Variants in DOCK1 observed in about 807,000 individuals in gnomAD.
The protein encoded by DOCK1 is dedicator of cytokinesis 1.
In DOCK1, 138 loss-of-function variants were observed where a neutral mutation model predicts 262.7. That is an observed-to-expected ratio of 0.53 (90% CI 0.46 to 0.61). The LOEUF (loss-of-function observed/expected upper bound fraction) is 0.61. Ranked by LOEUF, DOCK1 falls within the 20% of genes least tolerant of loss-of-function variation. The pLI is 0.00. For synonymous variants in DOCK1, 866 were observed against 867.4 expected (o/e 1.00, Z 0.03); for missense variants, 1,908 against 2,370.7 (o/e 0.80, Z 4.05).
At chr10:127,353,263 G>A (rs2063975002) in intron 31 of DOCK1, among the ~76,000 whole-genome samples, 1 of 152,168 alleles carries the variant, frequency 6.6e-6, no homozygotes. Context: ...TCACCCTGCA[G>A]CCAACTGCAT....
intron 18 of DOCK1, among the ~76,000 whole-genome samples, chr10:127,037,491 A>G (rs1027134334): frequency 1.3e-5 from 2 of 152,214 alleles, no homozygotes; most frequent in South Asian, 4.1e-4. Context: ...AAGCTTCTAC[A>G]TGGAAATCAT....
At position 127,255,259 on chromosome 10, in the gene DOCK1, G is replaced by C. The variant is rs539085737; in HGVS notation, c.2950-2076G>C. On this transcript the variant is annotated intron_variant, in intron 28 of 51. Coordinates refer to ENST00000623213, the MANE Select transcript of DOCK1 (RefSeq NM_001290223.2). ...TACTAAAAATAAAAAAACTAGCCAG[G>C]CATGGTGATGCACACCTGTGGTCCC... Among the ~76,000 whole-genome samples, 15 of 152,158 alleles carry C rather than the reference G, an allele frequency of 9.9e-5. No individual in the cohort carries two copies. The South Asian group carries it at 2.7e-3, about 27-fold the overall frequency.
chr10:127,068,779 T>C (rs2046030554), intron 23 of DOCK1, among the ~76,000 whole-genome samples: 1 of 152,170 alleles, frequency 6.6e-6, no homozygotes, highest in Non-Finnish European at 1.5e-5. Flanking sequence ...AACATATGTA[T>C]AGTATAAATT....
In DOCK1 at chr10:127,271,301, C is replaced by T. The variant is rs115871735; in HGVS notation, c.3044+13872C>T. ...AATGCCGTTTAAAAAATAAAATTAT[C>T]TTCAAAACCAAACATGCAATTCCAC... On this transcript the variant is annotated intron_variant, in intron 29 of 51. Coordinates refer to ENST00000623213, the MANE Select transcript of DOCK1 (RefSeq NM_001290223.2). Among the ~76,000 whole-genome samples, 1,321 of 152,242 alleles carry T rather than the reference C, an allele frequency of 8.7e-3. 19 individuals are homozygous for T. The highest frequency in any genetic ancestry group is 0.03 in the African/African-American group (1,250 of 41,532).
chr10:127,186,504 A>ACC lies in DOCK1; in HGVS notation c.2847+58741_2847+58742dup, dbSNP rs1216809857. Among the ~76,000 whole-genome samples, 70 of 9,010 alleles carry ACC rather than the reference A, an allele frequency of 7.8e-3. 3 individuals carry two copies. Among genetic ancestry groups the ACC allele is most frequent in the Middle Eastern group, 0.059 (2 of 34 alleles). The allele number at this position is 9,010 out of a possible 152,430, so 5.9% of individuals were successfully genotyped here. A position where few individuals can be genotyped will look rare whatever the true frequency, so the allele number is the denominator to read the frequency against. The stretch of plus-strand genomic sequence containing the variant: ...CAATCATGATAACAGCATGGGAGAA[A>ACC]CCGCCCCCCCGCCCCCCCCCGATCC... On this transcript the variant is annotated intron_variant, in intron 27 of 51. Coordinates refer to ENST00000623213, the MANE Select transcript of DOCK1 (RefSeq NM_001290223.2).
chr10:127,387,812 G>T (rs2066215413), intron 38 of DOCK1, among the ~76,000 whole-genome samples: 1 of 151,800 alleles, frequency 6.6e-6, no homozygotes, highest in South Asian at 2.1e-4. Flanking sequence ...GCTCATGTAT[G>T]GCAGGACAGG....
intron 7 of DOCK1, 51 bp downstream of exon 7, chr10:126,996,934 T>C (rs2040240674): frequency 6.6e-7 from 1 of 1,508,726 alleles, no homozygotes; most frequent in Admixed American, 2.4e-5. Flanking sequence ...TAATAAGTTT[T>C]CAACATTAGT....
chr10:127,009,933 C>A (rs992616695), intron 11 of DOCK1, among the ~76,000 whole-genome samples: 1 of 152,264 alleles, frequency 6.6e-6, no homozygotes, highest in South Asian at 2.1e-4. Flanking sequence ...GCTTTCTTTG[C>A]AGGCGGGCGA....
chr10:127,443,984 G>T, intron 49 of DOCK1, 142 bp from the exon 50 acceptor site: 1 of 1,134,514 alleles, frequency 8.8e-7, no homozygotes. Flanking sequence ...ACCTTAGCTT[G>T]ATCATTTGCA....
chr10:127,391,210 A>C (rs943212), intron 38 of DOCK1, among the ~76,000 whole-genome samples: 74,178 of 152,162 alleles, frequency 0.49, 18,531 homozygotes, highest in African/African-American at 0.58. Context: ...ACAAGCACCA[A>C]GATATGATGT....
At chr10:127,334,761 C>T (rs765768170) in intron 29 of DOCK1, among the ~76,000 whole-genome samples, 12 of 152,200 alleles carry the variant, frequency 7.9e-5, no homozygotes, top group Non-Finnish European at 1.3e-4. Context: ...ATTTAATTCT[C>T]ACAGCATTTG....
intron 51 of DOCK1, among the ~76,000 whole-genome samples, chr10:127,448,128 C>G (rs1185688456): frequency 6.6e-6 from 1 of 152,136 alleles, no homozygotes; most frequent in East Asian, 1.9e-4. Context: ...TCACTGTGCC[C>G]CCACCCCTGG....
intron 32 of DOCK1, among the ~76,000 whole-genome samples, chr10:127,358,190 C>T (rs574835227): frequency 1.3e-5 from 2 of 152,172 alleles, no homozygotes; most frequent in African/African-American, 4.8e-5. Context: ...TCAGTCTTTC[C>T]AATAGTATGC....
chr10:127,233,931 A>G (rs1301375591), intron 27 of DOCK1, among the ~76,000 whole-genome samples: 2 of 152,208 alleles, frequency 1.3e-5, no homozygotes, highest in Non-Finnish European at 2.9e-5. Context: ...TCAATAATAG[A>G]ACTCTTGTTT....
chr10:127,447,505 T>A lies in DOCK1; in HGVS notation c.5525T>A (p.Leu1842Gln). The A allele has an allele frequency of 6.2e-7, 1 of 1,613,948 alleles. No homozygotes were observed. The highest frequency in any genetic ancestry group is 1.7e-5 in the Admixed American group (1 of 60,024). Residue 1842 changes from leucine (L) to glutamine (Q), a missense_variant, in exon 51 of 52, where the codon CTG becomes CAG. By Grantham distance (113) the Leu-to-Gln change is moderately radical. Around this residue, in one of 9 missense-constraint regions of DOCK1, gnomAD observed 383 missense variants for 420.1 expected, o/e 0.91. Coordinates refer to ENST00000623213, the MANE Select transcript of DOCK1 (RefSeq NM_001290223.2). ...YGNLMENQDL[L>Q]GSPTPPPPPP... Reference sequence around the variant, plus strand: ...AATTTGATGGAAAACCAGGACTTGCTGGGCTCGCCAACACCTCCACCTCCC... The same window carrying A: ...AATTTGATGGAAAACCAGGACTTGCAGGGCTCGCCAACACCTCCACCTCCC...
Position 127,409,017 on chromosome 10 carries a change from A to G in DOCK1, c.4123-20A>G. 1.3e-6 allele frequency: 2 copies of G among 1,569,078 alleles called. No homozygotes were observed. The highest frequency in any genetic ancestry group is 2.3e-5 in the East Asian group (1 of 43,156). On this transcript the variant is annotated intron_variant, in intron 40 of 51. Coordinates refer to ENST00000623213, the MANE Select transcript of DOCK1 (RefSeq NM_001290223.2). Reference sequence around the variant, plus strand: ...GGCCCTTTCTCTGTGGTGTTATGAAATGAATGTCACCCTTTTCAGGGAAAA... The same window carrying G: ...GGCCCTTTCTCTGTGGTGTTATGAAGTGAATGTCACCCTTTTCAGGGAAAA...
intron 29 of DOCK1, among the ~76,000 whole-genome samples, chr10:127,301,359 C>G (rs1057114828): frequency 6.6e-6 from 1 of 152,164 alleles, no homozygotes; most frequent in Non-Finnish European, 1.5e-5. Context: ...GCTGCTAACC[C>G]TGTGTATTGA....
chr10:127,222,159 A>G (rs534622226), intron 27 of DOCK1, among the ~76,000 whole-genome samples: 1 of 152,322 alleles, frequency 6.6e-6, no homozygotes, highest in Admixed American at 6.5e-5. Flanking sequence ...TGGGGAGGAC[A>G]GTGGCTGCAT....
rs111210277 is a variant in DOCK1, at chr10:127,428,683, G to A, written c.4914+2672G>A. 3.2e-3 allele frequency among the ~76,000 whole-genome samples: 460 copies of A among 142,296 alleles called. 2 individuals are homozygous for A. Among genetic ancestry groups the A allele is most frequent in the African/African-American group, 0.011 (420 of 38,468 alleles). The allele number at this position is 142,296 out of a possible 152,430, so 93.4% of individuals were successfully genotyped here. A position where few individuals can be genotyped will look rare whatever the true frequency, so the allele number is the denominator to read the frequency against. On this transcript the variant is annotated intron_variant, in intron 47 of 51. Coordinates refer to ENST00000623213, the MANE Select transcript of DOCK1 (RefSeq NM_001290223.2). ...GGGGTGCCGTGTGGATTGGGGTACC[G>A]TGTGGATTGTGGTGCTGTGTGGACT... is the stretch of plus-strand genomic sequence containing the variant.
Sources: gnomAD v4.1 joint callset for allele counts (sites outside exome capture counted in the v4.1 genomes callset) on GRCh38, gnomAD v4.1.1 for gene constraint, gnomAD v4.1.1 regional missense constraint, MANE v1.5 for transcripts, NCBI Gene and HGNC (gene_info 2026-07-23, HGNC 2026-07-21) for gene names.